Variants in KCNG3 observed in about 807,000 individuals in gnomAD.
The protein encoded by KCNG3 is voltage-gated potassium channel regulatory subunit KCNG3.
A neutral mutation model predicts 29.0 loss-of-function variants in KCNG3; 15 were observed. That is an observed-to-expected ratio of 0.52 (90% confidence interval 0.35 to 0.80). The LOEUF is 0.80. KCNG3 is among the 30% of genes least tolerant of loss of function. KCNG3 has a pLI of 0.01. For missense variants in KCNG3, 512 were observed against 605.7 expected, an observed-to-expected ratio of 0.85 and a Z score of 1.62; for synonymous variants, 322 against 248.9, an observed-to-expected ratio of 1.29 and a Z score of -2.76.
chr2:42,461,572 C>T (rs1673018841), intron 1 of KCNG3, among the ~76,000 whole-genome samples: 1 of 152,162 alleles, frequency 6.6e-6, no homozygotes, highest in African/African-American at 2.4e-5. Context: ...CAGCAGAAAC[C>T]CAGGCCTGAC....
the KCNG3 span, among the ~76,000 whole-genome samples, chr2:42,426,813 A>G: frequency 6.6e-6 from 1 of 152,230 alleles, no homozygotes; most frequent in Admixed American, 6.5e-5. Flanking sequence ...AGGCAATTTG[A>G]CCATAAACTG....
chr2:42,422,530 A>T, the KCNG3 span, among the ~76,000 whole-genome samples: 418 of 152,224 alleles, frequency 2.7e-3, 1 homozygote, highest in African/African-American at 8.6e-3. Flanking sequence ...AGTACATCCC[A>T]ACTTAAAATC....
downstream of KCNG3, among the ~76,000 whole-genome samples, chr2:42,441,737 T>G (rs1672487538): frequency 6.6e-6 from 1 of 150,478 alleles, no homozygotes; most frequent in Non-Finnish European, 1.5e-5. Flanking sequence ...TATCCCTATA[T>G]ATAAAATATA....
intron 1 of KCNG3, among the ~76,000 whole-genome samples, chr2:42,456,922 T>C (rs1672890599): frequency 1.3e-5 from 2 of 152,108 alleles, no homozygotes; most frequent in East Asian, 1.9e-4. Flanking sequence ...ATTGGTTAAA[T>C]AGGAAAAAAG....
chr2:42,388,689 C>T, the KCNG3 span: 1 of 152,130 alleles, frequency 6.6e-6, no homozygotes, highest in Admixed American at 6.5e-5. Flanking sequence ...TTGCATTTAA[C>T]CTTAATTACT....
At chr2:42,453,352 G>A (rs1428217569) in intron 1 of KCNG3, among the ~76,000 whole-genome samples, 2 of 151,980 alleles carry the variant, frequency 1.3e-5, no homozygotes, top group African/African-American at 2.4e-5. Flanking sequence ...CCACATCCTC[G>A]CCAGCATTTG....
chr2:42,423,455 C>G, the KCNG3 span, among the ~76,000 whole-genome samples: 3 of 152,202 alleles, frequency 2.0e-5, no homozygotes, highest in African/African-American at 7.2e-5. Context: ...GCCCACCCAA[C>G]AGCACTCCTC....
At chr2:42,413,084 T>G in the KCNG3 span, among the ~76,000 whole-genome samples, 1 of 152,136 alleles carries the variant, frequency 6.6e-6, no homozygotes, top group African/African-American at 2.4e-5. Flanking sequence ...CTGCATAGTT[T>G]ACAGTGGCCT....
intron 1 of KCNG3, among the ~76,000 whole-genome samples, chr2:42,452,243 A>ATATATATATATATATATTTTTTTT: frequency 2.1e-5 from 2 of 95,052 alleles, no homozygotes; most frequent in African/African-American, 7.9e-5. Flanking sequence ...ATATATATAT[A>ATATATATATATATATATTTTTTTT]TTTTTTTTTT....
the KCNG3 span, among the ~76,000 whole-genome samples, chr2:42,392,140 T>C: frequency 1.3e-5 from 2 of 152,096 alleles, no homozygotes; most frequent in Non-Finnish European, 2.9e-5. Flanking sequence ...CCTAAGAAAA[T>C]GATGCTAAAT....
intron 1 of KCNG3, among the ~76,000 whole-genome samples, chr2:42,489,844 T>C (rs713611): frequency 0.15 from 23,364 of 152,218 alleles, 2,157 homozygotes; most frequent in Middle Eastern, 0.22. Flanking sequence ...TGGATTAATT[T>C]TGACTCTTCC....
At chr2:42,487,237 G>A (rs1195075959) in intron 1 of KCNG3, among the ~76,000 whole-genome samples, 3 of 151,290 alleles carry the variant, frequency 2.0e-5, no homozygotes, top group Admixed American at 6.6e-5. Context: ...TGAAAGTGCA[G>A]CTACTATGTT....
At chr2:42,492,290 T>C (rs1234892788) in intron 1 of KCNG3, among the ~76,000 whole-genome samples, 1 of 152,132 alleles carries the variant, frequency 6.6e-6, no homozygotes, top group Non-Finnish European at 1.5e-5. Flanking sequence ...GGCACAGACA[T>C]CCATTATTTA....
intron 1 of KCNG3, among the ~76,000 whole-genome samples, chr2:42,447,975 G>A (rs1332244571): frequency 6.6e-6 from 1 of 152,286 alleles, no homozygotes; most frequent in East Asian, 1.9e-4. Flanking sequence ...TACAGAGGTT[G>A]TACCAAATTA....
chr2:42,427,328 G>C, the KCNG3 span, among the ~76,000 whole-genome samples: 3 of 152,220 alleles, frequency 2.0e-5, no homozygotes, highest in South Asian at 6.2e-4. Flanking sequence ...TCCTGACAGG[G>C]AGTGGTGGCT....
In KCNG3 at chr2:42,492,807, C is replaced by T. The variant is rs760817718; in HGVS notation, c.665+30G>A. The T allele has an allele frequency of 7.6e-6, 11 of 1,442,236 alleles. No individual in the cohort carries two copies. The African/African-American group carries it at 8.9e-5, about 12-fold the overall frequency. 89.3% of individuals were successfully genotyped at this position (1,442,236 alleles called of 1,614,324 possible). ...GGACGGACAGACGCGACAGGACGGA[C>T]GGGACGGGTAGAGAAGCAGTGCGTC... On this transcript the variant is annotated intron_variant, in intron 1 of 1. Coordinates refer to ENST00000306078, the MANE Select transcript of KCNG3 (RefSeq NM_133329.6).
chr2:42,446,850 A>T (rs2103664820), intron 1 of KCNG3, among the ~76,000 whole-genome samples: 1 of 152,250 alleles, frequency 6.6e-6, no homozygotes, highest in Admixed American at 6.5e-5. Context: ...TATAGAAAGA[A>T]AGGTCTCAGG....
chr2:42,395,509 C>G, the KCNG3 span, among the ~76,000 whole-genome samples: 5 of 152,140 alleles, frequency 3.3e-5, no homozygotes, highest in Admixed American at 1.3e-4. Context: ...TGCATTTTTA[C>G]TGTATTGTTT....
At chr2:42,454,322 A>T (rs972535075) in intron 1 of KCNG3, among the ~76,000 whole-genome samples, 21 of 152,234 alleles carry the variant, frequency 1.4e-4, no homozygotes, top group African/African-American at 4.8e-4. Context: ...ATACAAATGA[A>T]GCATTACTGA....
Sources: gnomAD v4.1 joint callset for allele counts (sites outside exome capture counted in the v4.1 genomes callset) on GRCh38, gnomAD v4.1.1 for gene constraint, MANE v1.5 for transcripts, NCBI Gene and HGNC (gene_info 2026-07-23, HGNC 2026-07-21) for gene names.